SLC30A2: variants seen among roughly 807,000 people sequenced by gnomAD.
SLC30A2 encodes the protein proton-coupled zinc antiporter SLC30A2.
SLC30A2 carries 19 observed loss-of-function variants against 39.6 expected under a neutral mutation model. The ratio of observed to expected loss-of-function variants is 0.48; its 90% CI spans 0.34 to 0.70. SLC30A2 has a LOEUF of 0.70. SLC30A2 is among the 30% of genes least tolerant of loss of function. SLC30A2 has a pLI of 0.01. For synonymous variants in SLC30A2, 195 were observed against 194.8 expected (o/e 1.00, Z -0.01); for missense variants, 387 against 479.4 (o/e 0.81, Z 1.80).
chr1:26,042,526 C>A, intron 5 of SLC30A2, 23 bp downstream of exon 5: 1 of 1,605,324 alleles, frequency 6.2e-7, no homozygotes. Context: ...GCCACCCCCA[C>A]CACCCTGTGT....
At position 26,045,927 on chromosome 1, in the gene SLC30A2, C is replaced by T. The variant is rs758921007; in HGVS notation, c.-31G>A. 6.2e-7 allele frequency: 1 copy of T among 1,605,774 alleles called. No homozygotes were observed. Among genetic ancestry groups the T allele is most frequent in the South Asian group, 1.1e-5 (1 of 90,958 alleles). The stretch of plus-strand genomic sequence containing the variant: ...CCCGCGCCGAGTCCCGGCAGCCGCG[C>T]AGCCGCCCCGCCGAGTGCGCCCTGA... On this transcript the variant is annotated 5_prime_UTR_variant, in exon 1 of 8. Transcript: ENST00000374276.
At position 26,042,708 on chromosome 1, in the gene SLC30A2, T is replaced by C. The variant is rs1219015034; in HGVS notation, c.573A>G (p.Ile191Met). The C allele has an allele frequency of 6.2e-7, 1 of 1,613,494 alleles. No homozygotes were observed. The highest frequency in any genetic ancestry group is 2.2e-5 in the East Asian group (1 of 44,862). The change falls in exon 5 of 8, where the codon ATA becomes ATG. Residue 191 changes from isoleucine to methionine, a missense_variant and splice_region_variant. Transcript: ENST00000374276. ...CAGACTGGTGAAGGGTCAACCCCAT[T>C]CTATGGAAGTGGAGACAAAGCCAAG... ...TSGCAVAVNI[I>M]MGLTLHQSGH...
In SLC30A2 at chr1:26,039,393, G is replaced by T; in HGVS notation, c.974-88C>A. On this transcript the variant is annotated intron_variant, in intron 7 of 7. Transcript: ENST00000374276. The surrounding 1 kb of genome is among the most constrained non-coding windows in gnomAD (Gnocchi z 4.3). ...GCCCAAATCTCATACCCCATCCCCA[G>T]CAGAACAGGATGGGGGACCATGAAC... The T allele has an allele frequency of 1.0e-6, 1 of 991,856 alleles. No individual in the cohort carries two copies. Among genetic ancestry groups the T allele is most frequent in the Non-Finnish European group, 1.5e-6 (1 of 651,576 alleles). The allele number at this position is 991,856 out of a possible 1,614,324, so 61.4% of individuals were successfully genotyped here.
chr1:26,039,680 C>T lies in SLC30A2; in HGVS notation c.973+97G>A, dbSNP rs1371692787. 2.4e-6 allele frequency: 3 copies of T among 1,251,232 alleles called. No individual in the cohort carries two copies. The highest frequency in any genetic ancestry group is 2.5e-5 in the East Asian group (1 of 39,964). 77.5% of individuals were successfully genotyped at this position (1,251,232 alleles called of 1,614,324 possible). On this transcript the variant is annotated intron_variant, in intron 7 of 7. Transcript: ENST00000374276. This position sits in a 1 kb window ranked among gnomAD's most constrained non-coding sequence, Gnocchi z 4.3. ...CATGAGGCTGGGCTTGATGCATGGG[C>T]ACTGTGAGCATCTGGGGTCACCTGG...
In SLC30A2 at chr1:26,041,763, A is replaced by G. The variant is rs759768447; in HGVS notation, c.775T>C (p.Ser259Pro). 1 of 1,613,788 alleles carries G rather than the reference A, an allele frequency of 6.2e-7. No homozygotes were observed. The highest frequency in any genetic ancestry group is 8.5e-7 in the Non-Finnish European group (1 of 1,179,788). ...AAGGTTGTCCCCAGGACCAGGATGGAGAAGACGAAGGTGCAGATGGGGTCT... is the reference window on the plus strand; with the variant it reads ...AAGGTTGTCCCCAGGACCAGGATGGGGAAGACGAAGGTGCAGATGGGGTCT... ...YVDPICTFVF[S>P]ILVLGTTLTI... The change falls in exon 6 of 8, where the codon TCC (serine) becomes CCC (proline). Residue 259 changes from serine to proline, a missense_variant. By Grantham distance (74) the Ser-to-Pro change is moderately conservative (BLOSUM62 -1). Transcript: ENST00000374276.
chr1:26,045,442 TG>T, intron 1 of SLC30A2: 1 of 602,746 alleles, frequency 1.7e-6, no homozygotes, highest in Non-Finnish European at 2.9e-6. Context: ...GTGAAGACCC[TG>T]GGAACCGGCC....
Position 26,044,282 on chromosome 1 carries a change from A to T in SLC30A2, c.418+16T>A. ...CTCTCTCTCAACCCCATCTCCAGCCAAACCGCGATCCTCACCAGCTCTCTG... is the reference window on the plus strand; with the variant it reads ...CTCTCTCTCAACCCCATCTCCAGCCTAACCGCGATCCTCACCAGCTCTCTG... On this transcript the variant is annotated intron_variant, in intron 3 of 7. Coordinates refer to ENST00000374276, the MANE Select transcript of SLC30A2 (RefSeq NM_001004434.3). The T allele has an allele frequency of 6.2e-7, 1 of 1,613,428 alleles. No individual in the cohort carries two copies. The highest frequency in any genetic ancestry group is 8.5e-7 in the Non-Finnish European group (1 of 1,179,630).
At position 26,039,272 on chromosome 1, in the gene SLC30A2, G is replaced by A. The variant is rs1281494136; in HGVS notation, c.1007C>T (p.Thr336Ile). 1 of 1,614,090 alleles carries A rather than the reference G, an allele frequency of 6.2e-7. No homozygotes were observed. The highest frequency in any genetic ancestry group is 1.7e-5 in the Admixed American group (1 of 60,028). ...QNTDAQAVLK[T>I]ASSRLQGKFH... ...CTTCCCTTGGAGGCGGCTGCTGGCT[G>A]TCTTCAGCACAGCCTGGGCGTCTGT... Residue 336 changes from threonine (T) to isoleucine (I), a missense_variant, in exon 8 of 8, where the codon ACA becomes ATA. Transcript: ENST00000374276. This position sits in a 1 kb window ranked among gnomAD's most constrained non-coding sequence, Gnocchi z 4.3.
rs994495305 is a variant in SLC30A2 at position 26,046,041 on chromosome 1, C to G, written c.-145G>C. 14 of 1,359,312 alleles carry G rather than the reference C, an allele frequency of 1.0e-5. No homozygotes were observed. In the African/African-American group the frequency reaches 2.2e-4, roughly 21 times the overall value. 84.2% of individuals were successfully genotyped at this position (1,359,312 alleles called of 1,614,324 possible). A position where few individuals can be genotyped will look rare whatever the true frequency, so the allele number is the denominator to read the frequency against. On this transcript the variant is annotated 5_prime_UTR_variant, in exon 1 of 8. Transcript: ENST00000374276. The surrounding 1 kb of genome is among the most constrained non-coding windows in gnomAD (Gnocchi z 4.4). ...TCACTCCGGCCCGGCTCCTGCGGCC[C>G]CTGAGCTCCCCCGGCTCCCGCTGCG...
chr1:26,045,553 C>A (rs1327162300), intron 1 of SLC30A2: 1 of 604,818 alleles, frequency 1.7e-6, no homozygotes, highest in Non-Finnish European at 2.9e-6. Flanking sequence ...AGGGCCTCCC[C>A]GGGGCGGGGC....
intron 6 of SLC30A2, among the ~76,000 whole-genome samples, chr1:26,040,504 C>T (rs1404878352): frequency 6.6e-6 from 1 of 152,140 alleles, no homozygotes; most frequent in Admixed American, 6.5e-5. Flanking sequence ...CTGCCTCGGC[C>T]TCCCACAGTG....
rs373941049 is a variant in SLC30A2 at position 26,039,754 on chromosome 1, C to T, written c.973+23G>A. On this transcript the variant is annotated intron_variant, in intron 7 of 7. Coordinates refer to ENST00000374276, the MANE Select transcript of SLC30A2 (RefSeq NM_001004434.3). This position sits in a 1 kb window ranked among gnomAD's most constrained non-coding sequence, Gnocchi z 4.3. Reference sequence around the variant, plus strand: ...CTTTGGCTGCCTGTCTCCCACCCCACCCTGAGTGTCCCAAGCACTCACCAA... The same window carrying T: ...CTTTGGCTGCCTGTCTCCCACCCCATCCTGAGTGTCCCAAGCACTCACCAA... 6.2e-7 allele frequency: 1 copy of T among 1,609,426 alleles called. No individual in the cohort carries two copies. Among genetic ancestry groups the T allele is most frequent in the Non-Finnish European group, 8.5e-7 (1 of 1,176,810 alleles).
Position 26,040,970 on chromosome 1 carries a change from G to A in SLC30A2, c.838+730C>T, listed in dbSNP as rs537633517. Among the ~76,000 whole-genome samples the A allele has an allele frequency of 1.1e-4, 16 of 151,118 alleles. 1 individual carries two copies. The Middle Eastern group carries it at 0.01, about 98-fold the overall frequency. On this transcript the variant is annotated intron_variant, in intron 6 of 7. Transcript: ENST00000374276. Reference sequence around the variant, plus strand: ...AAGTTAGCCAGACATGGTGGCATGCGCCTGTGGTCCCAGCTACTTGGGAGG... The same window carrying A: ...AAGTTAGCCAGACATGGTGGCATGCACCTGTGGTCCCAGCTACTTGGGAGG...
At position 26,045,930 on chromosome 1, in the gene SLC30A2, C is replaced by T. The variant is rs767023274; in HGVS notation, c.-34G>A. 3.1e-6 allele frequency: 5 copies of T among 1,604,614 alleles called. No homozygotes were observed. The South Asian group carries it at 5.5e-5, about 18-fold the overall frequency. On this transcript the variant is annotated 5_prime_UTR_variant, in exon 1 of 8. Coordinates refer to ENST00000374276, the MANE Select transcript of SLC30A2 (RefSeq NM_001004434.3). The stretch of plus-strand genomic sequence containing the variant: ...GCGCCGAGTCCCGGCAGCCGCGCAG[C>T]CGCCCCGCCGAGTGCGCCCTGAAAG...
chr1:26,045,791 C>A (rs181066761), intron 1 of SLC30A2, 56 bp downstream of exon 1: 5 of 1,612,944 alleles, frequency 3.1e-6, no homozygotes, highest in Admixed American at 1.7e-5. Flanking sequence ...ATGGCAAATG[C>A]GGAGGTGCGT....
intron 6 of SLC30A2, among the ~76,000 whole-genome samples, chr1:26,041,337 C>T (rs1203466342): frequency 6.6e-6 from 1 of 152,144 alleles, no homozygotes; most frequent in South Asian, 2.1e-4. Flanking sequence ...ATCCTCACCC[C>T]CTCTCTCTTC....
At position 26,043,547 on chromosome 1, in the gene SLC30A2, G is replaced by A. The variant is rs373563894; in HGVS notation, c.423C>T (p.Ile141=). The A allele has an allele frequency of 4.0e-5, 64 of 1,613,110 alleles. No homozygotes were observed. Among genetic ancestry groups the A allele is most frequent in the Non-Finnish European group, 5.2e-5 (61 of 1,179,620 alleles). Residue 141 remains isoleucine, a synonymous_variant, in exon 4 of 8, where the codon ATC becomes ATT. Transcript: ENST00000374276. ...TMNFGWQRAE[I]LGALVSVLSI... ...ACAGTACAGAGACCAGGGCTCCCAA[G>A]ATCTCTGAGGAAGAACCCAACCCCA...
chr1:26,045,725 C>G, intron 1 of SLC30A2, 122 bp downstream of exon 1: 1 of 1,491,410 alleles, frequency 6.7e-7, no homozygotes, highest in Non-Finnish European at 9.2e-7. Flanking sequence ...TCACCTCACC[C>G]CACCCCTCCT....
chr1:26,045,033 C>T lies in SLC30A2; in HGVS notation c.235G>A (p.Ala79Thr). 6.2e-7 allele frequency: 1 copy of T among 1,614,244 alleles called. No individual in the cohort carries two copies. Among genetic ancestry groups the T allele is most frequent in the South Asian group, 1.1e-5 (1 of 91,086 alleles). The change falls in exon 2 of 8, where the codon GCC becomes ACC. Residue 79 changes from alanine to threonine, a missense_variant. Ala to Thr is a moderately conservative substitution (Grantham distance 58, BLOSUM62 0). Transcript: ENST00000374276. ...KAQRQLYVAS[A>T]ICLLFMIGEV... ...CCGATCATGAACAACAGGCAGATGG[C>T]AGAGGCTACATACAGCTGGCGCTGG...
Sources: gnomAD v4.1 joint callset for allele counts (sites outside exome capture counted in the v4.1 genomes callset) on GRCh38, gnomAD v4.1.1 for gene constraint, Gnocchi (gnomAD v3.1) non-coding constraint, MANE v1.5 for transcripts, NCBI Gene and HGNC (gene_info 2026-07-23, HGNC 2026-07-21) for gene names.